HYDIN: variants seen among roughly 807,000 people sequenced by gnomAD.
The protein encoded by HYDIN is HYDIN axonemal central pair apparatus protein.
HYDIN carries 132 observed loss-of-function variants against 403.9 expected under a neutral mutation model. The ratio of observed to expected loss-of-function variants is 0.33; its 90% CI spans 0.28 to 0.38. The LOEUF (loss-of-function observed/expected upper bound fraction) is 0.38. Ranked by LOEUF, HYDIN falls within the 10% of genes least tolerant of loss-of-function variation. The pLI is 1.00. For missense variants in HYDIN, 2,827 were observed against 5,009.5 expected, an observed-to-expected ratio of 0.56 and a Z score of 13.15; for synonymous variants, 1,202 against 1,891.7, an observed-to-expected ratio of 0.64 and a Z score of 9.46.
chr16:70,908,532 C>G, intron 48 of HYDIN, 98 bp from the exon 49 acceptor site: 1 of 1,510,590 alleles, frequency 6.6e-7, no homozygotes, highest in Non-Finnish European at 8.9e-7. Flanking sequence ...TTGGGGTGGG[C>G]ATGGTGGCCC....
chr16:71,148,921 G>C (rs954290244), intron 7 of HYDIN, among the ~76,000 whole-genome samples: 1 of 130,182 alleles, frequency 7.7e-6, no homozygotes, highest in Middle Eastern at 3.3e-3. Flanking sequence ...ACCACACCCG[G>C]CTAATTTTTG....
intron 13 of HYDIN, among the ~76,000 whole-genome samples, chr16:71,073,619 C>T (rs532341411): frequency 4.6e-5 from 7 of 152,088 alleles, no homozygotes; most frequent in Non-Finnish European, 7.4e-5. Flanking sequence ...ATTCAATGGC[C>T]GAGTTCAATA....
chr16:70,951,174 G>A (rs147903799), intron 41 of HYDIN, among the ~76,000 whole-genome samples: 23 of 151,654 alleles, frequency 1.5e-4, no homozygotes, highest in African/African-American at 2.9e-4. Flanking sequence ...GCTCAAGGCC[G>A]CAGTGAACAA....
intron 21 of HYDIN, among the ~76,000 whole-genome samples, chr16:71,022,683 G>T (rs1300786742): frequency 1.3e-5 from 2 of 150,482 alleles, no homozygotes; most frequent in African/African-American, 4.9e-5. Context: ...GATTAAATGT[G>T]AGCAGGAAAT....
chr16:70,843,117 G>A (rs867324195), intron 75 of HYDIN, among the ~76,000 whole-genome samples: 1 of 148,498 alleles, frequency 6.7e-6, no homozygotes, highest in Non-Finnish European at 1.5e-5. Flanking sequence ...ATGTATACAT[G>A]TGCCATGCTG....
chr16:71,037,550 T>C (rs1439422969), intron 18 of HYDIN, among the ~76,000 whole-genome samples: 2 of 151,452 alleles, frequency 1.3e-5, no homozygotes, highest in Non-Finnish European at 2.9e-5. Flanking sequence ...GACTTTCAGA[T>C]AGGGAGATTA....
chr16:71,030,564 C>G (rs1345347200), intron 19 of HYDIN, among the ~76,000 whole-genome samples: 3 of 151,782 alleles, frequency 2.0e-5, no homozygotes, highest in African/African-American at 7.3e-5. Flanking sequence ...TCCTGAGTAG[C>G]TGGGACTACA....
At chr16:70,963,332 A>T (rs2078477315) in intron 37 of HYDIN, among the ~76,000 whole-genome samples, 1 of 145,120 alleles carries the variant, frequency 6.9e-6, no homozygotes, top group South Asian at 2.3e-4. Context: ...AAGTCCTAAC[A>T]CCCGAGTATC....
intron 15 of HYDIN, among the ~76,000 whole-genome samples, chr16:71,065,262 C>T (rs1462067487): frequency 1.3e-5 from 2 of 152,194 alleles, no homozygotes; most frequent in African/African-American, 4.8e-5. Flanking sequence ...CTAGCGACAG[C>T]TCACATCATC....
intron 41 of HYDIN, among the ~76,000 whole-genome samples, chr16:70,947,243 G>A (rs1392287236): frequency 7.3e-6 from 1 of 136,950 alleles, no homozygotes; most frequent in Non-Finnish European, 1.6e-5. Context: ...AGAGTTTTTA[G>A]CATGAAGGGT....
chr16:70,916,650 T>A (rs867111614), intron 47 of HYDIN, among the ~76,000 whole-genome samples: 12 of 152,186 alleles, frequency 7.9e-5, no homozygotes, highest in Admixed American at 1.3e-4. Context: ...TTGCATCCAG[T>A]CCTGCCTCCT....
At position 70,817,887 on chromosome 16, in the gene HYDIN, G is replaced by A. The variant is rs4028528; in HGVS notation, c.14658+455C>T. 1.3e-4 allele frequency among the ~76,000 whole-genome samples: 19 copies of A among 151,842 alleles called. No individual in the cohort carries two copies. The East Asian group carries it at 3.1e-3, about 25-fold the overall frequency. On this transcript the variant is annotated intron_variant, in intron 84 of 85. Coordinates refer to ENST00000393567, the MANE Select transcript of HYDIN (RefSeq NM_001270974.2). Reference sequence around the variant, plus strand: ...CTCCCGAGTAGCTGGGATTACAGGCGCCCACCACCATGCTGGGCTAATTTT... The same window carrying A: ...CTCCCGAGTAGCTGGGATTACAGGCACCCACCACCATGCTGGGCTAATTTT...
At chr16:70,900,937 T>TGC (rs1161436772) in intron 53 of HYDIN, 67 bp downstream of exon 53, 1 of 555,158 alleles carries the variant, frequency 1.8e-6, no homozygotes, top group African/African-American at 2.4e-5. Flanking sequence ...TGTGTGTGTG[T>TGC]GTGTGTGTGT....
chr16:70,981,476 G>A lies in HYDIN; in HGVS notation c.4425C>T (p.Ile1475=), dbSNP rs752475652. ...EVFKRSFQIQ[I]AHLDPENITL... ...TGATATTTTCTGGGTCCAGGTGGGC[G>A]ATCTGTATCTGGAAACTCCTTTTAA... The change falls in exon 29 of 86, where the codon ATC becomes ATT. Residue 1475 remains isoleucine, a synonymous_variant. Transcript: ENST00000393567. 8.7e-6 allele frequency: 14 copies of A among 1,613,834 alleles called. No individual in the cohort carries two copies. The South Asian group carries it at 8.8e-5, about 10-fold the overall frequency.
intron 60 of HYDIN, among the ~76,000 whole-genome samples, chr16:70,881,224 CAA>C (rs58562653): frequency 5.3e-5 from 3 of 56,874 alleles, no homozygotes; most frequent in Admixed American, 1.9e-4. Flanking sequence ...GAGACTGTCT[CAA>C]AAAAAAAAAA....
intron 78 of HYDIN, among the ~76,000 whole-genome samples, chr16:70,834,664 A>G (rs1452205995): frequency 1.3e-5 from 2 of 152,094 alleles, no homozygotes; most frequent in Admixed American, 6.6e-5. Context: ...CCTGGCCAAC[A>G]TGGCGAAACC....
At chr16:71,182,504 T>C (rs958864517) in intron 3 of HYDIN, among the ~76,000 whole-genome samples, 5 of 152,016 alleles carry the variant, frequency 3.3e-5, no homozygotes, top group African/African-American at 9.7e-5. Context: ...AGATGTAAAA[T>C]AGAGAGGCAT....
intron 18 of HYDIN, among the ~76,000 whole-genome samples, chr16:71,059,849 T>C (rs2082024445): frequency 2.0e-5 from 3 of 152,170 alleles, no homozygotes; most frequent in East Asian, 1.9e-4. Context: ...AATCCTCACA[T>C]TGTTCAAGGG....
chr16:71,175,500 C>T (rs1008865534), intron 5 of HYDIN, 107 bp downstream of exon 5: 8 of 1,047,730 alleles, frequency 7.6e-6, no homozygotes, highest in African/African-American at 3.2e-5. Flanking sequence ...ATCAATACCA[C>T]CACCACCACC....
Sources: allele counts gnomAD v4.1 joint callset (sites outside exome capture counted in the v4.1 genomes callset), GRCh38; gene constraint gnomAD v4.1.1; transcripts MANE v1.5; gene names NCBI Gene and HGNC (gene_info 2026-07-23, HGNC 2026-07-21).